Variants in TACC3 observed in about 807,000 individuals in gnomAD.
The protein encoded by TACC3 is transforming acidic coiled-coil-containing protein 3.
A neutral mutation model predicts 86.0 loss-of-function variants in TACC3; 52 were observed. That is an observed-to-expected ratio of 0.60 (90% CI 0.48 to 0.76). The LOEUF (loss-of-function observed/expected upper bound fraction) is 0.76. Ranked by LOEUF, TACC3 falls within the 30% of genes least tolerant of loss-of-function variation. The pLI is 0.00. For synonymous variants in TACC3, 512 were observed against 430.0 expected, an observed-to-expected ratio of 1.19 and a Z score of -2.36; for missense variants, 1,120 against 1,070.4, an observed-to-expected ratio of 1.05 and a Z score of -0.65.
intron 4 of TACC3, 82 bp from the exon 5 acceptor site, chr4:1,730,805 C>T (rs559338165): frequency 3.3e-5 from 47 of 1,441,860 alleles, no homozygotes; most frequent in South Asian, 9.3e-5. Context: ...CAGGGAAAGG[C>T]GATGGCAGCT....
intron 13 of TACC3, 188 bp downstream of exon 13, chr4:1,741,174 G>T: frequency 1.9e-6 from 1 of 520,830 alleles, no homozygotes. Flanking sequence ...TTGCGAGGCA[G>T]CTGAGGGCGG....
chr4:1,735,397 C>A lies in TACC3; in HGVS notation c.1644+72C>A. The A allele has an allele frequency of 6.3e-7, 1 of 1,577,190 alleles. No homozygotes were observed. Among genetic ancestry groups the A allele is most frequent in the South Asian group, 1.1e-5 (1 of 90,276 alleles). Reference sequence around the variant, plus strand: ...GAGCAGCCACGGCAGGTCTTGCCCCCGGAGCGTCCCTTGGTGCCCACGTCC... The same window carrying A: ...GAGCAGCCACGGCAGGTCTTGCCCCAGGAGCGTCCCTTGGTGCCCACGTCC... On this transcript the variant is annotated intron_variant, in intron 7 of 15. Coordinates refer to ENST00000313288, the MANE Select transcript of TACC3 (RefSeq NM_006342.3). The surrounding 1 kb of genome is among the most constrained non-coding windows in gnomAD (Gnocchi z 4.2).
rs1006587521 is a variant in TACC3 at position 1,739,662 on chromosome 4, C to T, written c.1942-40C>T. 5 of 1,549,574 alleles carry T rather than the reference C, an allele frequency of 3.2e-6. No individual in the cohort carries two copies. In the South Asian group the frequency reaches 4.8e-5, roughly 15 times the overall value. ...GTGGGGAGGTCCTGGGAGGGTCAGT[C>T]TGGCCCGCCTGCCTGCTGACTTGGG... On this transcript the variant is annotated intron_variant, in intron 10 of 15. Transcript: ENST00000313288.
chr4:1,735,122 G>T lies in TACC3; in HGVS notation c.1592-151G>T. On this transcript the variant is annotated intron_variant, in intron 6 of 15. Coordinates refer to ENST00000313288, the MANE Select transcript of TACC3 (RefSeq NM_006342.3). The surrounding 1 kb of genome is among the most constrained non-coding windows in gnomAD (Gnocchi z 4.2). ...GCCCAGGAGGCGCCTGCCGCAGACA[G>T]CAGTCAGGCCCCGAACATCCACACC... The T allele has an allele frequency of 9.5e-7, 1 of 1,055,438 alleles. No homozygotes were observed. Among genetic ancestry groups the T allele is most frequent in the Admixed American group, 2.2e-5 (1 of 44,896 alleles). 65.4% of individuals were successfully genotyped at this position (1,055,438 alleles called of 1,614,324 possible). A position where few individuals can be genotyped will look rare whatever the true frequency, so the allele number is the denominator to read the frequency against.
intron 8 of TACC3, among the ~76,000 whole-genome samples, chr4:1,736,364 A>G (rs1347585548): frequency 7.4e-6 from 1 of 134,402 alleles, no homozygotes; most frequent in East Asian, 2.6e-4. Flanking sequence ...CGGAGGTTGC[A>G]GTGAGCTGAG....
chr4:1,744,836 G>A lies in TACC3; in HGVS notation c.2451+4G>A, dbSNP rs775878288. 4 of 1,612,976 alleles carry A rather than the reference G, an allele frequency of 2.5e-6. No individual in the cohort carries two copies. The highest frequency in any genetic ancestry group is 2.2e-5 in the East Asian group (1 of 44,882). ...GGAGAAGACAGTGGAGCAGAAGGTG[G>A]GTGCGGGAAGCCCAGCTCAAGGGGC... On this transcript the variant is annotated splice_donor_region_variant and intron_variant, in intron 15 of 15. Transcript: ENST00000313288.
chr4:1,739,935 T>C (rs747817173), intron 11 of TACC3, 24 bp from the exon 12 acceptor site: 59 of 1,612,714 alleles, frequency 3.7e-5, no homozygotes, highest in Non-Finnish European at 2.8e-5. Context: ...AGGCAATGGC[T>C]GTGTGTCTGT....
intron 4 of TACC3, among the ~76,000 whole-genome samples, chr4:1,729,507 G>T (rs747873447): frequency 6.6e-6 from 1 of 152,176 alleles, no homozygotes; most frequent in Non-Finnish European, 1.5e-5. Flanking sequence ...GTCAGGTCAC[G>T]CAAGTCACGT....
At chr4:1,736,380 G>T (rs1027818164) in intron 8 of TACC3, among the ~76,000 whole-genome samples, 1 of 122,470 alleles carries the variant, frequency 8.2e-6, no homozygotes, top group Non-Finnish European at 1.6e-5. Context: ...CTGAGATTGC[G>T]CCACTGCACT....
In TACC3 at chr4:1,735,874, T is replaced by A; in HGVS notation, c.1748+40T>A. The A allele has an allele frequency of 1.4e-6, 2 of 1,412,768 alleles. No individual in the cohort carries two copies. The highest frequency in any genetic ancestry group is 1.2e-5 in the South Asian group (1 of 80,744). 87.5% of individuals were successfully genotyped at this position (1,412,768 alleles called of 1,614,324 possible). A position where few individuals can be genotyped will look rare whatever the true frequency, so the allele number is the denominator to read the frequency against. ...CCTCCCTCATGCATGAAGCCTTGAG[T>A]GTGGGAAGACTGGAGGCTGTTCCTA... On this transcript the variant is annotated intron_variant, in intron 8 of 15. Coordinates refer to ENST00000313288, the MANE Select transcript of TACC3 (RefSeq NM_006342.3). The surrounding 1 kb of genome is among the most constrained non-coding windows in gnomAD (Gnocchi z 4.2).
At chr4:1,726,411 T>G (rs911889888) in intron 3 of TACC3, among the ~76,000 whole-genome samples, 4 of 152,066 alleles carry the variant, frequency 2.6e-5, no homozygotes, top group Admixed American at 6.5e-5. Flanking sequence ...GCAGAAAACC[T>G]TTGTTTACCA....
At position 1,728,583 on chromosome 4, in the gene TACC3, C is replaced by T; in HGVS notation, c.1181C>T (p.Pro394Leu). The change falls in exon 4 of 16, where the codon CCC becomes CTC. Residue 394 changes from proline (P) to leucine (L), a missense_variant. By Grantham distance (98) the Pro-to-Leu change is moderately conservative. Transcript: ENST00000313288. Reference sequence around the variant, plus strand: ...GGTAGGAGCGGAGCAGGAGAGGACCCCCCCATGCCAGCTTCTCGGGGCTCT... The same window carrying T: ...GGTAGGAGCGGAGCAGGAGAGGACCTCCCCATGCCAGCTTCTCGGGGCTCT... Reference protein sequence around the residue: ...DDGRSGAGEDPPMPASRGSYH... With the variant: ...DDGRSGAGEDLPMPASRGSYH... 1 of 1,614,004 alleles carries T rather than the reference C, an allele frequency of 6.2e-7. No homozygotes were observed. Among genetic ancestry groups the T allele is most frequent in the Non-Finnish European group, 8.5e-7 (1 of 1,179,986 alleles).
At position 1,744,692 on chromosome 4, in the gene TACC3, C is replaced by T. The variant is rs1718759488; in HGVS notation, c.2331-20C>T. On this transcript the variant is annotated intron_variant, in intron 14 of 15. Coordinates refer to ENST00000313288, the MANE Select transcript of TACC3 (RefSeq NM_006342.3). ...CACCTGGGCCCCAGCTCAGCCTCTGCCCCGCCCCTACCCCTCCAGGGCAAA... is the reference window on the plus strand; with the variant it reads ...CACCTGGGCCCCAGCTCAGCCTCTGTCCCGCCCCTACCCCTCCAGGGCAAA... The T allele has an allele frequency of 3.7e-6, 6 of 1,612,258 alleles. No individual in the cohort carries two copies. Among genetic ancestry groups the T allele is most frequent in the Non-Finnish European group, 5.1e-6 (6 of 1,179,740 alleles).
rs752885964 is a variant in TACC3, at chr4:1,739,674, C to T, written c.1942-28C>T. 4.9e-5 allele frequency: 77 copies of T among 1,559,634 alleles called. 2 individuals are homozygous for T. In the South Asian group the frequency reaches 7.0e-4, roughly 14 times the overall value. ...TGGGAGGGTCAGTCTGGCCCGCCTG[C>T]CTGCTGACTTGGGTGTGGCCTGAGC... On this transcript the variant is annotated intron_variant, in intron 10 of 15. Transcript: ENST00000313288.
rs748197142 is a variant in TACC3 at position 1,723,496 on chromosome 4, G to T, written c.75G>T (p.Ser25=). The change falls in exon 2 of 16, where the codon TCG becomes TCT. Residue 25 remains serine, a synonymous_variant. Transcript: ENST00000313288. The stretch of plus-strand genomic sequence containing the variant: ...CAGAAAATTGCGACTTCCTGTTTTC[G>T]CCACCAGAAGTTACCGGAAGATCGT... ...KNTENCDFLF[S]PPEVTGRSSV... is the part of the protein sequence containing the mutation. The T allele has an allele frequency of 6.2e-7, 1 of 1,613,714 alleles. No homozygotes were observed. Among genetic ancestry groups the T allele is most frequent in the Non-Finnish European group, 8.5e-7 (1 of 1,179,988 alleles).
chr4:1,725,502 TACA>T (rs1717641604), intron 3 of TACC3, among the ~76,000 whole-genome samples: 1 of 152,200 alleles, frequency 6.6e-6, no homozygotes, highest in African/African-American at 2.4e-5. Context: ...AACATTGGTT[TACA>T]ACGACCCCAA....
In TACC3 at chr4:1,731,203, T is replaced by C. The variant is rs772975128; in HGVS notation, c.1493T>C (p.Leu498Pro). The C allele has an allele frequency of 1.2e-6, 2 of 1,613,380 alleles. No individual in the cohort carries two copies. Among genetic ancestry groups the C allele is most frequent in the South Asian group, 1.1e-5 (1 of 91,088 alleles). ...GCCTTGAACTCTGCCAGCACCTCGC[T>C]TCCCACAAGCTGTCCAGGCAGTGAG... ...ERALNSASTS[L>P]PTSCPGSEPV... The change falls in exon 6 of 16, where the codon CTT becomes CCT. Residue 498 changes from leucine to proline, a missense_variant. Physicochemically the swap from Leu to Pro is moderately conservative, Grantham distance 98. Coordinates refer to ENST00000313288, the MANE Select transcript of TACC3 (RefSeq NM_006342.3).
intron 13 of TACC3, among the ~76,000 whole-genome samples, chr4:1,743,624 A>G (rs2108723553): frequency 6.6e-6 from 1 of 152,278 alleles, no homozygotes; most frequent in African/African-American, 2.4e-5. Context: ...CAACATTAAC[A>G]ATTCAAAGGG....
intron 6 of TACC3, among the ~76,000 whole-genome samples, chr4:1,731,895 A>G (rs774872402): frequency 2.6e-5 from 4 of 152,252 alleles, no homozygotes; most frequent in African/African-American, 7.2e-5. Context: ...CGGCCTCCCA[A>G]AGTGCTGGGA....
Sources: allele counts gnomAD v4.1 joint callset (sites outside exome capture counted in the v4.1 genomes callset), GRCh38; gene constraint gnomAD v4.1.1; non-coding constraint Gnocchi (gnomAD v3.1); transcripts MANE v1.5; gene names NCBI Gene and HGNC (gene_info 2026-07-23, HGNC 2026-07-21).